The following PCDH15 variants were observed in gnomAD, a reference collection of about 807,000 sequenced individuals.
The protein encoded by PCDH15 is protocadherin-15.
PCDH15 carries 129 observed loss-of-function variants against 178.5 expected under a neutral mutation model. That is an observed-to-expected ratio of 0.72 (90% CI 0.63 to 0.84). The LOEUF (loss-of-function observed/expected upper bound fraction) is 0.84. Ranked by LOEUF, PCDH15 falls within the 40% of genes least tolerant of loss-of-function variation. The pLI, the probability that PCDH15 is intolerant of heterozygous loss-of-function variation, is 0.00. For synonymous variants in PCDH15, 800 were observed against 732.0 expected, an observed-to-expected ratio of 1.09 and a Z score of -1.50; for missense variants, 2,230 against 2,099.9, an observed-to-expected ratio of 1.06 and a Z score of -1.21.
chr10:55,182,041 C>G (rs917983840), intron 1 of PCDH15, among the ~76,000 whole-genome samples: 14 of 151,974 alleles, frequency 9.2e-5, no homozygotes, highest in African/African-American at 3.4e-4. Context: ...TGAACCGTGT[C>G]TTGTTCTCAG....
At chr10:54,488,625 A>T (rs1169144293) in intron 3 of PCDH15, among the ~76,000 whole-genome samples, 1 of 151,992 alleles carries the variant, frequency 6.6e-6, no homozygotes, top group African/African-American at 2.4e-5. Flanking sequence ...GGCAGATAAG[A>T]AGAATTGTGT....
chr10:54,106,234 T>C (rs1410058137), intron 15 of PCDH15, among the ~76,000 whole-genome samples: 1 of 152,194 alleles, frequency 6.6e-6, no homozygotes, highest in Non-Finnish European at 1.5e-5. Flanking sequence ...ACTAAAAACA[T>C]TAAATTGTGT....
intron 18 of PCDH15, among the ~76,000 whole-genome samples, chr10:54,048,067 T>A (rs1294640128): frequency 1.3e-5 from 2 of 152,134 alleles, no homozygotes; most frequent in African/African-American, 4.8e-5. Context: ...TTTGCAAACA[T>A]CTGTTATCTT....
chr10:54,028,043 C>G (rs1221688768), intron 18 of PCDH15, among the ~76,000 whole-genome samples: 1 of 151,160 alleles, frequency 6.6e-6, no homozygotes, highest in African/African-American at 2.4e-5. Flanking sequence ...ACCTACTCAT[C>G]TGACAAAGGG....
chr10:53,842,381 G>A (rs2077711755), intron 28 of PCDH15, among the ~76,000 whole-genome samples: 1 of 152,012 alleles, frequency 6.6e-6, no homozygotes, highest in Non-Finnish European at 1.5e-5. Context: ...CTCACGCCTG[G>A]ATTACAGGCA....
intron 3 of PCDH15, among the ~76,000 whole-genome samples, chr10:54,493,103 C>T (rs1435916333): frequency 6.6e-6 from 1 of 152,124 alleles, no homozygotes; most frequent in Non-Finnish European, 1.5e-5. Flanking sequence ...TCAATTACCT[C>T]CCACTGGGTC....
intron 1 of PCDH15, among the ~76,000 whole-genome samples, chr10:54,762,727 A>T (rs1175583132): frequency 6.6e-6 from 1 of 152,132 alleles, no homozygotes; most frequent in Non-Finnish European, 1.5e-5. Context: ...TTTATTTTAA[A>T]TTGAACATTT....
chr10:55,195,368 C>T (rs1025831318), intron 1 of PCDH15, among the ~76,000 whole-genome samples: 25 of 151,094 alleles, frequency 1.7e-4, no homozygotes, highest in African/African-American at 6.1e-4. Flanking sequence ...AGAAGCCGGG[C>T]GCTGTGATTC....
At position 54,572,110 on chromosome 10, in the gene PCDH15, C is replaced by T. The variant is rs368592186; in HGVS notation, c.92-44233G>A. Among the ~76,000 whole-genome samples, 28 of 152,084 alleles carry T rather than the reference C, an allele frequency of 1.8e-4. 1 individual carries two copies. The highest frequency in any genetic ancestry group is 1.7e-3 in the Admixed American group (26 of 15,250). ...TTATGAGAATTAGATGACGAAATAC[C>T]GTGTTTGTCATGTAGGAAGGTATAA... On this transcript the variant is annotated intron_variant, in intron 2 of 37. Transcript: ENST00000644397.
chr10:55,099,496 T>C (rs74820943), intron 2 of PCDH15, among the ~76,000 whole-genome samples: 6,162 of 152,150 alleles, frequency 0.04, 304 homozygotes, highest in East Asian at 0.14. Context: ...TGGTGAATTA[T>C]TGCAGTGTAG....
intron 15 of PCDH15, among the ~76,000 whole-genome samples, chr10:54,094,256 A>G (rs2094656238): frequency 6.6e-6 from 1 of 152,198 alleles, no homozygotes; most frequent in Non-Finnish European, 1.5e-5. Flanking sequence ...TACAATTTAC[A>G]TGGTAGTGGA....
At chr10:54,265,486 TAA>T (rs1052778076) in intron 8 of PCDH15, among the ~76,000 whole-genome samples, 7 of 144,858 alleles carry the variant, frequency 4.8e-5, no homozygotes, top group Admixed American at 6.9e-5. Context: ...GAATTGGAAT[TAA>T]AAAAAAAAAA....
chr10:54,772,598 T>TA (rs36109225), intron 1 of PCDH15, among the ~76,000 whole-genome samples: 1 of 152,100 alleles, frequency 6.6e-6, no homozygotes, highest in Non-Finnish European at 1.5e-5. Context: ...TGGCTCTTAT[T>TA]AACGTTCAAA....
intron 2 of PCDH15, among the ~76,000 whole-genome samples, chr10:55,101,370 C>T (rs2132046138): frequency 6.7e-6 from 1 of 150,114 alleles, no homozygotes; most frequent in East Asian, 2.0e-4. Context: ...GCCTGGGTGA[C>T]AGAGCAAGAT....
chr10:54,774,002 A>G (rs1949391096), intron 1 of PCDH15, among the ~76,000 whole-genome samples: 1 of 124,076 alleles, frequency 8.1e-6, no homozygotes, highest in South Asian at 2.7e-4. Flanking sequence ...GGCATACTTC[A>G]TAGGCTTTTT....
At chr10:55,069,988 TA>T (rs1564768757) in intron 2 of PCDH15, among the ~76,000 whole-genome samples, 6 of 152,112 alleles carry the variant, frequency 3.9e-5, no homozygotes, top group Non-Finnish European at 7.4e-5. Context: ...TGTGAGATGG[TA>T]TCTCATTGTG....
intron 18 of PCDH15, among the ~76,000 whole-genome samples, chr10:54,064,419 A>T (rs977619361): frequency 6.6e-6 from 1 of 152,108 alleles, no homozygotes; most frequent in Non-Finnish European, 1.5e-5. Context: ...ACTCCACTGG[A>T]ACTGATGGGC....
chr10:54,695,801 A>G (rs1433397167), intron 1 of PCDH15, among the ~76,000 whole-genome samples: 2 of 152,036 alleles, frequency 1.3e-5, no homozygotes, highest in Non-Finnish European at 2.9e-5. Context: ...AACAGCCCAT[A>G]TATTTACAAG....
intron 1 of PCDH15, among the ~76,000 whole-genome samples, chr10:55,307,087 A>AT (rs1206084474): frequency 6.6e-6 from 1 of 151,682 alleles, no homozygotes; most frequent in Non-Finnish European, 1.5e-5. Context: ...ATCTTAAAAT[A>AT]TTTTTCTGCT....
Sources: gnomAD v4.1 joint callset for allele counts (sites outside exome capture counted in the v4.1 genomes callset) on GRCh38, gnomAD v4.1.1 for gene constraint, MANE v1.5 for transcripts, NCBI Gene and HGNC (gene_info 2026-07-23, HGNC 2026-07-21) for gene names.